TSPAN8: variants seen among roughly 807,000 people sequenced by gnomAD.
TSPAN8 encodes tetraspanin-8.
In TSPAN8, 21 loss-of-function variants were observed where a neutral mutation model predicts 32.8. That is an observed-to-expected ratio of 0.64 (90% CI 0.45 to 0.92). The LOEUF (loss-of-function observed/expected upper bound fraction) is 0.92. Among genes scored for constraint, TSPAN8 ranks in the 40% least tolerant of loss-of-function variants. TSPAN8 has a pLI of 0.00. For synonymous variants in TSPAN8, 95 were observed against 94.6 expected, an observed-to-expected ratio of 1.00 and a Z score of -0.03; for missense variants, 269 against 281.9, an observed-to-expected ratio of 0.95 and a Z score of 0.33.
At chr12:71,142,431 T>C (rs1871930675) in intron 3 of TSPAN8, among the ~76,000 whole-genome samples, 1 of 152,066 alleles carries the variant, frequency 6.6e-6, no homozygotes, top group East Asian at 1.9e-4. Context: ...CAACAGGAAG[T>C]AAAATTAAAA....
chr12:71,157,826 G>A, intron 1 of TSPAN8, 39 bp from the exon 2 acceptor site: 1 of 598,522 alleles, frequency 1.7e-6, no homozygotes, highest in South Asian at 2.4e-5. Flanking sequence ...GTAGAGGGAG[G>A]AATAAAAAGT....
chr12:71,153,921 G>T lies in TSPAN8; in HGVS notation c.60+3698C>A, dbSNP rs142290719. ...TATGCTGGTGGTAGGAATCACCAAG[G>T]CACGTTAGTTAGAAAGATCTAACTG... On this transcript the variant is annotated intron_variant, in intron 2 of 8. Transcript: ENST00000247829. Among the ~76,000 whole-genome samples the T allele has an allele frequency of 1.2e-4, 18 of 152,224 alleles. No individual in the cohort carries two copies. In the East Asian group the frequency reaches 3.3e-3, roughly 28 times the overall value.
rs146393576 is a variant in TSPAN8, at chr12:71,152,778, A to T, written c.60+4841T>A. Among the ~76,000 whole-genome samples, 859 of 152,332 alleles carry T rather than the reference A, an allele frequency of 5.6e-3. 7 individuals are homozygous for T. Among genetic ancestry groups the T allele is most frequent in the Admixed American group, 0.021 (328 of 15,308 alleles). On this transcript the variant is annotated intron_variant, in intron 2 of 8. Transcript: ENST00000247829. Reference sequence around the variant, plus strand: ...TCATTTTGAAAGATTCCATCAACGGACACAATAAGATATAATTGTGTCCTA... The same window carrying T: ...TCATTTTGAAAGATTCCATCAACGGTCACAATAAGATATAATTGTGTCCTA...
At position 71,157,683 on chromosome 12, in the gene TSPAN8, G is replaced by C; in HGVS notation, c.-5C>G. The stretch of plus-strand genomic sequence containing the variant: ...ACAGGCACTCACACCTGCCATTTCG[G>C]AAAAGGATTAGGAATCCAGATGCCG... On this transcript the variant is annotated 5_prime_UTR_variant, in exon 2 of 9. Transcript: ENST00000247829. 1 of 1,612,578 alleles carries C rather than the reference G, an allele frequency of 6.2e-7. No individual in the cohort carries two copies. The highest frequency in any genetic ancestry group is 8.5e-7 in the Non-Finnish European group (1 of 1,178,716).
intron 3 of TSPAN8, among the ~76,000 whole-genome samples, chr12:71,141,294 T>C (rs911984855): frequency 1.3e-5 from 2 of 152,224 alleles, no homozygotes; most frequent in African/African-American, 4.8e-5. Flanking sequence ...TGTTTGTTGG[T>C]TTTTATTGTT....
chr12:71,150,749 T>G (rs1872226577), intron 2 of TSPAN8, among the ~76,000 whole-genome samples: 1 of 152,204 alleles, frequency 6.6e-6, no homozygotes, highest in Admixed American at 6.5e-5. Context: ...GGGAGATAAC[T>G]GAATCATGCG....
chr12:71,134,190 A>T (rs1314326376), intron 6 of TSPAN8, among the ~76,000 whole-genome samples: 1 of 152,212 alleles, frequency 6.6e-6, no homozygotes, highest in Non-Finnish European at 1.5e-5. Context: ...CCATGTAAAG[A>T]TAAGAACTCC....
At chr12:71,126,397 A>C (rs1307686391) in intron 8 of TSPAN8, among the ~76,000 whole-genome samples, 1 of 152,208 alleles carries the variant, frequency 6.6e-6, no homozygotes, top group Admixed American at 6.5e-5. Context: ...TCTGTGGGAC[A>C]AGTATCAAGA....
intron 2 of TSPAN8, among the ~76,000 whole-genome samples, chr12:71,156,269 C>CAAAAAAAAAAAAAAA (rs1287011627): frequency 3.1e-5 from 1 of 32,516 alleles, no homozygotes; most frequent in African/African-American, 1.3e-4. Context: ...AAAAAAAAAA[C>CAAAAAAAAAAAAAAA]AAACAAAAAA....
chr12:71,142,197 C>T (rs1313358487), intron 3 of TSPAN8, among the ~76,000 whole-genome samples: 1 of 152,134 alleles, frequency 6.6e-6, no homozygotes, highest in East Asian at 1.9e-4. Context: ...TAATGTTGTC[C>T]TGGCAGACAC....
chr12:71,127,402 G>A (rs958416471), intron 8 of TSPAN8, among the ~76,000 whole-genome samples: 1 of 152,072 alleles, frequency 6.6e-6, no homozygotes, highest in East Asian at 1.9e-4. Flanking sequence ...AGGGAGGGCA[G>A]GTTATAGACT....
intron 8 of TSPAN8, among the ~76,000 whole-genome samples, chr12:71,128,641 G>GT (rs201862566): frequency 0.27 from 37,055 of 139,076 alleles, 5,386 homozygotes; most frequent in Non-Finnish European, 0.35. Context: ...TATCTTTCAG[G>GT]TTTTTTTTTT....
In TSPAN8 at chr12:71,144,160, G is replaced by A. The variant is rs753053791; in HGVS notation, c.114C>T (p.Asp38=). The A allele has an allele frequency of 3.1e-6, 5 of 1,611,746 alleles. No homozygotes were observed. In the Admixed American group the frequency reaches 6.7e-5, roughly 22 times the overall value. ...ALAIWVRVSN[D]SQAIFGSEDV... ...GTTTTTGCATACTTACTGCTTGAGAGTCATTGCTTACTCGTACCCATATTG... is the reference window on the plus strand; with the variant it reads ...GTTTTTGCATACTTACTGCTTGAGAATCATTGCTTACTCGTACCCATATTG... The change falls in exon 3 of 9, where the codon GAC becomes GAT. Residue 38 remains aspartate, a synonymous_variant. Coordinates refer to ENST00000247829, the MANE Select transcript of TSPAN8 (RefSeq NM_004616.3).
chr12:71,152,410 A>C (rs533207036), intron 2 of TSPAN8, among the ~76,000 whole-genome samples: 2 of 152,224 alleles, frequency 1.3e-5, no homozygotes, highest in South Asian at 4.1e-4. Context: ...CTGCTTCATA[A>C]AAACACCTAT....
chr12:71,151,975 A>C (rs1273239917), intron 2 of TSPAN8, among the ~76,000 whole-genome samples: 1 of 152,258 alleles, frequency 6.6e-6, no homozygotes, highest in Non-Finnish European at 1.5e-5. Flanking sequence ...TTGAAAGCCC[A>C]TTATGTATAA....
Position 71,132,678 on chromosome 12 carries a change from T to A in TSPAN8, c.576+15A>T. 1 of 1,611,818 alleles carries A rather than the reference T, an allele frequency of 6.2e-7. No individual in the cohort carries two copies. Among genetic ancestry groups the A allele is most frequent in the South Asian group, 1.1e-5 (1 of 90,632 alleles). ...ACAGAATTGCTTATTGTACCAAATG[T>A]GATTTAGTTCTCACCTCTTTGTAAA... On this transcript the variant is annotated intron_variant, in intron 7 of 8. Coordinates refer to ENST00000247829, the MANE Select transcript of TSPAN8 (RefSeq NM_004616.3).
Position 71,157,746 on chromosome 12 carries a change from T to G in TSPAN8, c.-68A>C, listed in dbSNP as rs1592414657. ...TTCGTTACAGGCTTGTCCTGCAATA[T>G]GCTCTGGAGCAACTTGCCTGCAGAG... On this transcript the variant is annotated 5_prime_UTR_variant, in exon 2 of 9. Transcript: ENST00000247829. 4 of 1,265,390 alleles carry G rather than the reference T, an allele frequency of 3.2e-6. No individual in the cohort carries two copies. Among genetic ancestry groups the G allele is most frequent in the Non-Finnish European group, 4.6e-6 (4 of 866,764 alleles). The allele number at this position is 1,265,390 out of a possible 1,614,324, so 78.4% of individuals were successfully genotyped here. A position where few individuals can be genotyped will look rare whatever the true frequency, so the allele number is the denominator to read the frequency against.
At chr12:71,128,040 A>G (rs1871398442) in intron 8 of TSPAN8, among the ~76,000 whole-genome samples, 1 of 152,222 alleles carries the variant, frequency 6.6e-6, no homozygotes, top group African/African-American at 2.4e-5. Context: ...CCAGAATACA[A>G]AGCAGAGAAA....
intron 2 of TSPAN8, among the ~76,000 whole-genome samples, chr12:71,150,376 T>A (rs780487564): frequency 2.6e-5 from 4 of 152,168 alleles, no homozygotes; most frequent in Non-Finnish European, 5.9e-5. Context: ...AAGCATGTGA[T>A]CTTTGTTCTC....
Sources: allele counts gnomAD v4.1 joint callset (sites outside exome capture counted in the v4.1 genomes callset), GRCh38; gene constraint gnomAD v4.1.1; transcripts MANE v1.5; gene names NCBI Gene and HGNC (gene_info 2026-07-23, HGNC 2026-07-21).